Variants in NYAP2 observed in about 807,000 individuals in gnomAD.
The protein encoded by NYAP2 is neuronal tyrosine-phosphorylated phosphoinositide-3-kinase adapter 2.
In NYAP2, 23 loss-of-function variants were observed where a neutral mutation model predicts 50.4. That is an observed-to-expected ratio of 0.46 (90% CI 0.33 to 0.65). The LOEUF is 0.65. Among genes scored for constraint, NYAP2 ranks in the 30% least tolerant of loss-of-function variants. The pLI, the probability that NYAP2 is intolerant of heterozygous loss-of-function variation, is 0.02. For synonymous variants in NYAP2, 394 were observed against 365.2 expected (o/e 1.08, Z -0.90); for missense variants, 885 against 861.0 (o/e 1.03, Z -0.35).
intron 4 of NYAP2, among the ~76,000 whole-genome samples, chr2:225,553,389 C>T (rs1691716195): frequency 6.6e-6 from 1 of 152,226 alleles, no homozygotes; most frequent in South Asian, 2.1e-4. Flanking sequence ...AGAGTCCCAA[C>T]TCCAGAATCA....
intron 4 of NYAP2, among the ~76,000 whole-genome samples, chr2:225,536,766 CTTTCTTTCTTT>C (rs1225786207): frequency 2.0e-5 from 3 of 150,890 alleles, no homozygotes; most frequent in African/African-American, 7.3e-5. Context: ...CTTATTCATT[CTTTCTTTCTTT>C]TTTCTTTCTT....
At chr2:225,498,435 T>C (rs1435583653) in intron 3 of NYAP2, among the ~76,000 whole-genome samples, 1 of 151,866 alleles carries the variant, frequency 6.6e-6, no homozygotes, top group Non-Finnish European at 1.5e-5. Context: ...TGTGAGTGGA[T>C]ATGACGAGAT....
intron 6 of NYAP2, among the ~76,000 whole-genome samples, chr2:225,629,442 C>T (rs1693271761): frequency 6.6e-6 from 1 of 152,238 alleles, no homozygotes; most frequent in South Asian, 2.1e-4. Flanking sequence ...CATTCCTTAA[C>T]CCAGTCAAGT....
intron 5 of NYAP2, among the ~76,000 whole-genome samples, chr2:225,583,961 G>C (rs543897474): frequency 2.0e-5 from 3 of 152,136 alleles, no homozygotes; most frequent in South Asian, 4.2e-4. Flanking sequence ...AGAATGGCGC[G>C]AACCCGGGAG....
At chr2:225,672,785 G>A in the NYAP2 span, among the ~76,000 whole-genome samples, 40 of 134,058 alleles carry the variant, frequency 3.0e-4, no homozygotes, top group Non-Finnish European at 5.1e-4. Flanking sequence ...CATGTCTCAG[G>A]GAAGAGGGAG....
chr2:225,502,586 G>T (rs1039055274), intron 3 of NYAP2, among the ~76,000 whole-genome samples: 1 of 152,166 alleles, frequency 6.6e-6, no homozygotes, highest in African/African-American at 2.4e-5. Context: ...ATTAAGTTTT[G>T]CCCAAATATA....
intron 5 of NYAP2, among the ~76,000 whole-genome samples, chr2:225,612,169 G>A (rs1559229709): frequency 6.7e-6 from 1 of 148,902 alleles, no homozygotes; most frequent in Non-Finnish European, 1.5e-5. Flanking sequence ...GTCTATTGAA[G>A]TGTCTCAGGA....
chr2:225,526,063 G>T (rs1691144276), intron 4 of NYAP2, among the ~76,000 whole-genome samples: 1 of 152,194 alleles, frequency 6.6e-6, no homozygotes, highest in African/African-American at 2.4e-5. Flanking sequence ...CCTGGAAGTA[G>T]ATTTTTCCCT....
At chr2:225,528,593 A>G (rs1304333785) in intron 4 of NYAP2, among the ~76,000 whole-genome samples, 1 of 152,184 alleles carries the variant, frequency 6.6e-6, no homozygotes, top group East Asian at 1.9e-4. Context: ...CATAAACATC[A>G]GTCTGAATGA....
At chr2:225,606,946 C>T (rs1264986009) in intron 5 of NYAP2, among the ~76,000 whole-genome samples, 1 of 152,036 alleles carries the variant, frequency 6.6e-6, no homozygotes, top group Non-Finnish European at 1.5e-5. Context: ...GTATGTAAAA[C>T]CACCCTTCTT....
chr2:225,424,833 G>C (rs935900650), intron 3 of NYAP2, among the ~76,000 whole-genome samples: 2 of 152,110 alleles, frequency 1.3e-5, no homozygotes, highest in African/African-American at 4.8e-5. Flanking sequence ...TCACTAAACA[G>C]CCAGATTTTG....
At chr2:225,622,549 CTTT>C (rs1693130276) in intron 5 of NYAP2, among the ~76,000 whole-genome samples, 2 of 58,082 alleles carry the variant, frequency 3.4e-5, no homozygotes, top group East Asian at 7.8e-4. Context: ...TTCTTTCTTT[CTTT>C]CTTTCTTTTT....
chr2:225,586,547 A>T (rs1265786894), intron 5 of NYAP2, among the ~76,000 whole-genome samples: 1 of 152,328 alleles, frequency 6.6e-6, no homozygotes, highest in Admixed American at 6.5e-5. Flanking sequence ...TGCTATTGCT[A>T]AAAATTTTTG....
chr2:225,430,923 A>G (rs1012264602), intron 3 of NYAP2, among the ~76,000 whole-genome samples: 1 of 152,222 alleles, frequency 6.6e-6, no homozygotes, highest in African/African-American at 2.4e-5. Context: ...TTATCTGTCA[A>G]TTTAAAAAAT....
intron 3 of NYAP2, among the ~76,000 whole-genome samples, chr2:225,442,344 C>T (rs752005767): frequency 2.6e-5 from 4 of 152,136 alleles, no homozygotes; most frequent in Non-Finnish European, 4.4e-5. Context: ...AAAGAATAAT[C>T]AGCTTATTAA....
At chr2:225,633,073 T>C (rs1249112755) in intron 6 of NYAP2, among the ~76,000 whole-genome samples, 2 of 152,186 alleles carry the variant, frequency 1.3e-5, no homozygotes, top group Non-Finnish European at 2.9e-5. Context: ...TTCTTAAAAA[T>C]CATTATGATT....
At chr2:225,484,579 C>T (rs1234785712) in intron 3 of NYAP2, among the ~76,000 whole-genome samples, 1 of 152,220 alleles carries the variant, frequency 6.6e-6, no homozygotes, top group African/African-American at 2.4e-5. Context: ...AGCCCATAGG[C>T]TAAGGAGCCA....
At chr2:225,479,072 A>C (rs1353184416) in intron 3 of NYAP2, among the ~76,000 whole-genome samples, 1 of 152,166 alleles carries the variant, frequency 6.6e-6, no homozygotes, top group Non-Finnish European at 1.5e-5. Context: ...GAGGGAGAAA[A>C]ATATGTTCAT....
At chr2:225,557,267 T>TTCCATCCAACTATCAA (rs1691793465) in intron 4 of NYAP2, among the ~76,000 whole-genome samples, 1 of 152,192 alleles carries the variant, frequency 6.6e-6, no homozygotes, top group Admixed American at 6.6e-5. Flanking sequence ...TTTCTGTTCC[T>TTCCATCCAACTATCAA]TCCATCCATC....
Sources: allele counts gnomAD v4.1 joint callset (sites outside exome capture counted in the v4.1 genomes callset), GRCh38; gene constraint gnomAD v4.1.1; transcripts MANE v1.5; gene names NCBI Gene and HGNC (gene_info 2026-07-23, HGNC 2026-07-21).